Variants in ADAM23 observed in about 807,000 individuals in gnomAD.
The protein encoded by ADAM23 is disintegrin and metalloproteinase domain-containing protein 23.
In ADAM23, 33 loss-of-function variants were observed where a neutral mutation model predicts 120.1. The observed-to-expected ratio is 0.27, with a 90% CI of 0.21 to 0.37. The LOEUF is 0.37. Among genes scored for constraint, ADAM23 ranks in the 10% least tolerant of loss-of-function variants. The probability of loss-of-function intolerance (pLI) is 1.00; values close to 1 mark genes in which losing one functional copy is unlikely to be tolerated. For synonymous variants in ADAM23, 367 were observed against 375.2 expected, an observed-to-expected ratio of 0.98 and a Z score of 0.25; for missense variants, 862 against 1,058.2, an observed-to-expected ratio of 0.81 and a Z score of 2.57.
Position 206,619,105 on chromosome 2 carries a change from G to A in ADAM23, c.*1478G>A, listed in dbSNP as rs959011283. The A allele has an allele frequency of 4.6e-5, 7 of 152,128 alleles. No individual in the cohort carries two copies. The highest frequency in any genetic ancestry group is 8.8e-5 in the Non-Finnish European group (6 of 68,034). The allele number at this position is 152,128 out of a possible 1,614,324, so 9.4% of individuals were successfully genotyped here. On this transcript the variant is annotated 3_prime_UTR_variant, in exon 26 of 26. Transcript: ENST00000264377. ...GGAAAAGTGGTAATGGGAATAGAAG[G>A]AGCAGTTACCTTTGTATCCGCATTG... is the stretch of plus-strand genomic sequence containing the variant.
At chr2:206,504,958 A>G (rs1404735561) in intron 3 of ADAM23, among the ~76,000 whole-genome samples, 1 of 152,242 alleles carries the variant, frequency 6.6e-6, no homozygotes, top group Non-Finnish European at 1.5e-5. Context: ...AAAAAGAAGA[A>G]TAAGTATGTC....
rs1378937073 is a variant in ADAM23, at chr2:206,542,062, A to G, written c.584A>G (p.His195Arg). ...GKPQYSKGGE[H>R]CYYHGSIRGV... Reference sequence around the variant, plus strand: ...AAACCTGCTTTCCAGGGTGGAGAGCACTGTTACTACCATGGAAGCATCAGA... The same window carrying G: ...AAACCTGCTTTCCAGGGTGGAGAGCGCTGTTACTACCATGGAAGCATCAGA... The change falls in exon 5 of 26, where the codon CAC (histidine) becomes CGC (arginine). Residue 195 changes from histidine (H) to arginine (R), a missense_variant. Around this residue, in one of 4 missense-constraint regions of ADAM23, gnomAD observed 617 missense variants for 813.5 expected, o/e 0.76. Transcript: ENST00000264377. 6.2e-7 allele frequency: 1 copy of G among 1,614,122 alleles called. No homozygotes were observed. Among genetic ancestry groups the G allele is most frequent in the Admixed American group, 1.7e-5 (1 of 60,018 alleles).
intron 2 of ADAM23, among the ~76,000 whole-genome samples, chr2:206,466,861 C>T (rs1309747696): frequency 6.6e-6 from 1 of 152,158 alleles, no homozygotes; most frequent in Non-Finnish European, 1.5e-5. Context: ...GCATCTGCTT[C>T]TGGGGAGGCC....
chr2:206,556,466 A>C (rs2105818393), intron 9 of ADAM23, among the ~76,000 whole-genome samples: 1 of 152,286 alleles, frequency 6.6e-6, no homozygotes, highest in South Asian at 2.1e-4. Context: ...AATTTCAAAG[A>C]CTTGTGCAAA....
intron 4 of ADAM23, among the ~76,000 whole-genome samples, chr2:206,536,279 G>C (rs1234762876): frequency 1.3e-5 from 2 of 152,150 alleles, no homozygotes; most frequent in Admixed American, 6.5e-5. Context: ...AATATTCTGT[G>C]ACCTCACTTA....
At chr2:206,496,464 A>G (rs1696250183) in intron 3 of ADAM23, among the ~76,000 whole-genome samples, 1 of 152,222 alleles carries the variant, frequency 6.6e-6, no homozygotes, top group South Asian at 2.1e-4. Flanking sequence ...GAGAACAAAG[A>G]CACAAAAAAC....
At chr2:206,605,362 T>C (rs758854458) in intron 24 of ADAM23, among the ~76,000 whole-genome samples, 1 of 152,216 alleles carries the variant, frequency 6.6e-6, no homozygotes, top group African/African-American at 2.4e-5. Context: ...CTGAATGATA[T>C]ATTCTGAATT....
intron 15 of ADAM23, among the ~76,000 whole-genome samples, chr2:206,567,599 T>A (rs1006289823): frequency 6.6e-6 from 1 of 152,154 alleles, no homozygotes; most frequent in Non-Finnish European, 1.5e-5. Context: ...AATTAAAATA[T>A]CTTTGAGATT....
At chr2:206,566,924 T>A (rs1441657326) in intron 14 of ADAM23, among the ~76,000 whole-genome samples, 1 of 152,162 alleles carries the variant, frequency 6.6e-6, no homozygotes, top group African/African-American at 2.4e-5. Context: ...TACAGCCTAT[T>A]TGAAGAGGTT....
chr2:206,445,271 G>A, intron 1 of ADAM23, 36 bp from the exon 2 acceptor site: 1 of 1,475,918 alleles, frequency 6.8e-7, no homozygotes, highest in East Asian at 2.3e-5. Context: ...GTGTATGTTT[G>A]TATTTTCTGC....
Position 206,617,843 on chromosome 2 carries a change from G to A in ADAM23, c.*216G>A. ...CTTTCACCACCTGTCAGTAAACGGG[G>A]GAGGGGGCAAAAGACCATGCTATAA... On this transcript the variant is annotated 3_prime_UTR_variant, in exon 26 of 26. Coordinates refer to ENST00000264377, the MANE Select transcript of ADAM23 (RefSeq NM_003812.4). 2.0e-6 allele frequency: 2 copies of A among 1,001,478 alleles called. No individual in the cohort carries two copies. The highest frequency in any genetic ancestry group is 3.1e-5 in the East Asian group (1 of 32,548). 62.0% of individuals were successfully genotyped at this position (1,001,478 alleles called of 1,614,324 possible).
Position 206,586,098 on chromosome 2 carries a change from T to C in ADAM23, c.1738-1227T>C, listed in dbSNP as rs117454759. Among the ~76,000 whole-genome samples, 1,231 of 152,294 alleles carry C rather than the reference T, an allele frequency of 8.1e-3. 41 individuals are homozygous for C. Among genetic ancestry groups the C allele is most frequent in the Admixed American group, 0.052 (787 of 15,278 alleles). On this transcript the variant is annotated intron_variant, in intron 18 of 25. Coordinates refer to ENST00000264377, the MANE Select transcript of ADAM23 (RefSeq NM_003812.4). ...TGTGGGTGGCAGCATGACTGGTGTG[T>C]CCACGTGGACTCACATCAGCCATGG...
At chr2:206,510,950 T>C (rs1696611066) in intron 3 of ADAM23, among the ~76,000 whole-genome samples, 1 of 152,310 alleles carries the variant, frequency 6.6e-6, no homozygotes, top group South Asian at 2.1e-4. Flanking sequence ...ATTCAAGTCT[T>C]TCTTTGATTT....
At chr2:206,571,601 T>G (rs1698001856) in intron 16 of ADAM23, 126 bp from the exon 17 acceptor site, 1 of 608,208 alleles carries the variant, frequency 1.6e-6, no homozygotes. Flanking sequence ...AATTAATTCT[T>G]TCCCAGAATA....
In ADAM23 at chr2:206,560,129, A is replaced by T; in HGVS notation, c.1169+11A>T. On this transcript the variant is annotated intron_variant, in intron 11 of 25. Transcript: ENST00000264377. Reference sequence around the variant, plus strand: ...TGTGCACCTCATCTCGTACGTACTCATTTCAGCCTTTAGTGTAGTCTTTGG... The same window carrying T: ...TGTGCACCTCATCTCGTACGTACTCTTTTCAGCCTTTAGTGTAGTCTTTGG... 6.2e-7 allele frequency: 1 copy of T among 1,609,440 alleles called. No homozygotes were observed. Among genetic ancestry groups the T allele is most frequent in the African/African-American group, 1.3e-5 (1 of 74,990 alleles).
intron 24 of ADAM23, among the ~76,000 whole-genome samples, chr2:206,597,787 G>T (rs1409793457): frequency 2.6e-5 from 4 of 152,082 alleles, no homozygotes; most frequent in African/African-American, 9.7e-5. Flanking sequence ...GCTTAGTTTT[G>T]GATGAAAGTT....
At chr2:206,541,559 A>G (rs1402432417) in intron 4 of ADAM23, among the ~76,000 whole-genome samples, 1 of 152,214 alleles carries the variant, frequency 6.6e-6, no homozygotes, top group Non-Finnish European at 1.5e-5. Flanking sequence ...TGTTTTTTTA[A>G]AAATAAAACT....
intron 25 of ADAM23, among the ~76,000 whole-genome samples, chr2:206,613,552 C>A (rs1164541873): frequency 2.0e-5 from 3 of 152,102 alleles, no homozygotes; most frequent in African/African-American, 7.2e-5. Context: ...CCTGTTCTTC[C>A]CCATCACCCA....
intron 18 of ADAM23, among the ~76,000 whole-genome samples, chr2:206,573,568 A>G (rs557694732): frequency 5.9e-5 from 9 of 152,212 alleles, no homozygotes; most frequent in East Asian, 5.8e-4. Flanking sequence ...CTGAATCTGT[A>G]TGCTACCAAT....
Sources: allele counts gnomAD v4.1 joint callset (sites outside exome capture counted in the v4.1 genomes callset), GRCh38; gene constraint gnomAD v4.1.1; regional missense constraint gnomAD v4.1.1; transcripts MANE v1.5; gene names NCBI Gene and HGNC (gene_info 2026-07-23, HGNC 2026-07-21).